The following CNKSR2 variants were observed in gnomAD, a reference collection of about 807,000 sequenced individuals.
CNKSR2 encodes CNK homolog protein 2.
A neutral mutation model predicts 84.4 loss-of-function variants in CNKSR2; 14 were observed. The ratio of observed to expected loss-of-function variants is 0.17; its 90% CI spans 0.11 to 0.26. CNKSR2 has a LOEUF of 0.26. CNKSR2 is among the 10% of genes least tolerant of loss of function. The probability of loss-of-function intolerance (pLI) is 1.00; values close to 1 mark genes in which losing one functional copy is unlikely to be tolerated. For missense variants in CNKSR2, 485 were observed against 771.2 expected, an observed-to-expected ratio of 0.63 and a Z score of 4.40; for synonymous variants, 275 against 277.9, an observed-to-expected ratio of 0.99 and a Z score of 0.10.
At chrX:21,468,386 A>G (rs771071384) in intron 4 of CNKSR2, among the ~76,000 whole-genome samples, 5 of 111,419 alleles carry the variant, frequency 4.5e-5, no homozygotes, top group Non-Finnish European at 9.4e-5. Flanking sequence ...GTTTCCATCC[A>G]TTGCAGTTAT....
intron 3 of CNKSR2, among the ~76,000 whole-genome samples, chrX:21,433,653 TACACACACACACACAC>T (rs56377458): frequency 6.9e-5 from 6 of 87,546 alleles, no homozygotes; most frequent in Non-Finnish European, 1.2e-4. Flanking sequence ...TATGTGTTCC[TACACACACACACACAC>T]ACACACACAC....
At chrX:21,529,923 T>C (rs906945319) in intron 10 of CNKSR2, among the ~76,000 whole-genome samples, 2 of 111,043 alleles carry the variant, frequency 1.8e-5, no homozygotes, top group African/African-American at 3.3e-5. Context: ...ATAGTATGTG[T>C]ATTAATAGGG....
intron 1 of CNKSR2, among the ~76,000 whole-genome samples, chrX:21,406,773 T>C (rs991988315): frequency 2.7e-5 from 3 of 111,754 alleles, no homozygotes; most frequent in Non-Finnish European, 5.6e-5. Context: ...CTTTAGTTTG[T>C]AGAAATCATG....
intron 13 of CNKSR2, among the ~76,000 whole-genome samples, chrX:21,564,754 G>GTT (rs35439020): frequency 9.9e-6 from 1 of 101,179 alleles, no homozygotes; most frequent in Non-Finnish European, 2.0e-5. Flanking sequence ...GTAGAAAAAT[G>GTT]TTTTTTTTTT....
At chrX:21,471,023 A>T (rs966469256) in intron 5 of CNKSR2, 1 of 179,367 alleles carries the variant, frequency 5.6e-6, no homozygotes, top group African/African-American at 3.0e-5. Context: ...TTAAAATTGT[A>T]ATGTGTAGCA....
intron 9 of CNKSR2, among the ~76,000 whole-genome samples, chrX:21,526,469 AAT>A (rs2091835764): frequency 9.0e-6 from 1 of 111,232 alleles, no homozygotes; most frequent in African/African-American, 3.3e-5. Context: ...TGAGTGAGCT[AAT>A]TCTTTTGAGT....
intron 6 of CNKSR2, among the ~76,000 whole-genome samples, chrX:21,496,147 A>C (rs1319175638): frequency 9.0e-6 from 1 of 111,658 alleles, no homozygotes; most frequent in Non-Finnish European, 1.9e-5. Context: ...ATTATATGGG[A>C]CCACCATCGT....
intron 8 of CNKSR2, among the ~76,000 whole-genome samples, chrX:21,512,972 C>T (rs2091690069): frequency 1.8e-5 from 2 of 111,915 alleles, no homozygotes; most frequent in African/African-American, 6.5e-5. Context: ...AGTTTCTACA[C>T]ACGTAAATTG....
At chrX:21,390,073 C>T (rs910712261) in intron 1 of CNKSR2, among the ~76,000 whole-genome samples, 15 of 111,895 alleles carry the variant, frequency 1.3e-4, no homozygotes, top group Admixed American at 2.8e-4. Context: ...GAAGAGTGTG[C>T]TATTCTAAAC....
intron 8 of CNKSR2, chrX:21,504,884 C>CA (rs1299000782): frequency 3.4e-6 from 1 of 292,279 alleles, no homozygotes; most frequent in Non-Finnish European, 6.0e-6. Flanking sequence ...CCAAGCAAAG[C>CA]AGACTGAGTC....
intron 5 of CNKSR2, among the ~76,000 whole-genome samples, chrX:21,478,819 A>G (rs760061929): frequency 8.9e-6 from 1 of 112,062 alleles, no homozygotes; most frequent in Admixed American, 9.5e-5. Flanking sequence ...CAAATTCACA[A>G]GATCATTAGA....
intron 6 of CNKSR2, chrX:21,490,969 G>A (rs2091436653): frequency 8.8e-6 from 1 of 113,910 alleles, no homozygotes; most frequent in African/African-American, 3.3e-5. Flanking sequence ...TTTTACTTTG[G>A]TTTGTTCTGG....
At chrX:21,518,872 A>T (rs764506815) in intron 9 of CNKSR2, among the ~76,000 whole-genome samples, 1 of 111,987 alleles carries the variant, frequency 8.9e-6, no homozygotes, top group South Asian at 3.7e-4. Flanking sequence ...AGTGCTGTAT[A>T]TATTGACATT....
intron 11 of CNKSR2, among the ~76,000 whole-genome samples, chrX:21,533,185 A>G (rs1209093935): frequency 9.0e-6 from 1 of 110,506 alleles, no homozygotes; most frequent in Non-Finnish European, 1.9e-5. Flanking sequence ...CCTCAACTAC[A>G]CTACTCTAGT....
intron 5 of CNKSR2, 180 bp downstream of exon 5, chrX:21,470,987 T>C: frequency 4.7e-6 from 1 of 213,856 alleles, no homozygotes; most frequent in Non-Finnish European, 8.9e-6. Flanking sequence ...CTATTGTACC[T>C]AATAGGAGAA....
intron 20 of CNKSR2, among the ~76,000 whole-genome samples, chrX:21,635,389 TG>T (rs2092666218): frequency 9.6e-6 from 1 of 104,552 alleles, no homozygotes; most frequent in African/African-American, 3.5e-5. Context: ...TGTGTGTGTG[TG>T]TGTGTGTGTG....
At position 21,392,507 on chromosome X, in the gene CNKSR2, G is replaced by C. The variant is rs553188570; in HGVS notation, c.64+17546G>C. 2.6e-4 allele frequency among the ~76,000 whole-genome samples: 29 copies of C among 111,315 alleles called. No homozygotes were observed. In the South Asian group the frequency reaches 0.011, roughly 42 times the overall value. On this transcript the variant is annotated intron_variant, in intron 1 of 21. Transcript: ENST00000379510. ...TGGAGAAGGAGGAAGAGAGCAAAGG[G>C]GAAGATGCCACATACTTTTAAACAT...
chrX:21,577,002 G>C (rs1013488862), intron 13 of CNKSR2, among the ~76,000 whole-genome samples: 6 of 111,596 alleles, frequency 5.4e-5, no homozygotes, highest in Non-Finnish European at 7.5e-5. Context: ...GCCTATAAGA[G>C]ATTTGATGTA....
chrX:21,520,629 A>G (rs1038318161), intron 9 of CNKSR2, among the ~76,000 whole-genome samples: 1 of 110,123 alleles, frequency 9.1e-6, no homozygotes, highest in Admixed American at 9.7e-5. Flanking sequence ...GACACTGCCA[A>G]GAATGTTCCT....
Sources: allele counts gnomAD v4.1 joint callset (sites outside exome capture counted in the v4.1 genomes callset), GRCh38; gene constraint gnomAD v4.1.1; transcripts MANE v1.5; gene names NCBI Gene and HGNC (gene_info 2026-07-23, HGNC 2026-07-21).